C5orf46: variants seen among roughly 807,000 people sequenced by gnomAD.
C5orf46 encodes the protein chromosome 5 open reading frame 46.
C5orf46 carries 9 observed loss-of-function variants against 8.9 expected under a neutral mutation model. The ratio of observed to expected loss-of-function variants is 1.01; its 90% CI spans 0.61 to 1.76. C5orf46 has a LOEUF of 1.76. Ranked by LOEUF, C5orf46 falls within the 40% of genes most tolerant of loss-of-function variation. The pLI is 0.00. For missense variants in C5orf46, 98 were observed against 107.8 expected (o/e 0.91, Z 0.40); for synonymous variants, 47 against 41.4 (o/e 1.14, Z -0.52).
chr5:147,891,030 T>C (rs1369087007), downstream of C5orf46, among the ~76,000 whole-genome samples: 1 of 152,188 alleles, frequency 6.6e-6, no homozygotes, highest in African/African-American at 2.4e-5. Context: ...TGGGACAGAA[T>C]AGTGATGATG....
chr5:147,889,431 C>T (rs1465067834), downstream of C5orf46, among the ~76,000 whole-genome samples: 1 of 152,030 alleles, frequency 6.6e-6, no homozygotes, highest in East Asian at 1.9e-4. Flanking sequence ...ATACACATTT[C>T]CATATTCCCC....
chr5:147,902,109 T>A (rs1269818635), intron 1 of C5orf46, among the ~76,000 whole-genome samples: 1 of 152,164 alleles, frequency 6.6e-6, no homozygotes, highest in Non-Finnish European at 1.5e-5. Flanking sequence ...ACATACAGAA[T>A]GTCTGTTTTT....
intron 3 of C5orf46, among the ~76,000 whole-genome samples, chr5:147,896,032 T>C (rs1757574881): frequency 6.6e-6 from 1 of 152,190 alleles, no homozygotes; most frequent in South Asian, 2.1e-4. Flanking sequence ...GGAAAGGCCA[T>C]GCTTCCTGAA....
At chr5:147,893,334 A>G (rs2127125053) in intron 3 of C5orf46, among the ~76,000 whole-genome samples, 1 of 137,934 alleles carries the variant, frequency 7.2e-6, no homozygotes, top group East Asian at 2.2e-4. Context: ...CCCAGGCTGG[A>G]GTGCAGTGGC....
At chr5:147,894,189 T>G (rs1305000250) in intron 3 of C5orf46, among the ~76,000 whole-genome samples, 2 of 152,206 alleles carry the variant, frequency 1.3e-5, no homozygotes, top group South Asian at 4.1e-4. Context: ...CCTCTTTTGA[T>G]AATTTTAGTA....
chr5:147,901,545 C>T, intron 2 of C5orf46, 84 bp downstream of exon 2: 2 of 1,261,310 alleles, frequency 1.6e-6, no homozygotes, highest in Non-Finnish European at 2.2e-6. Context: ...TTTTGTTTCT[C>T]ATGTATTTTA....
chr5:147,898,414 T>C lies in C5orf46; in HGVS notation c.216-1373A>G, dbSNP rs564904699. On this transcript the variant is annotated intron_variant, in intron 2 of 3. Transcript: ENST00000318315. The stretch of plus-strand genomic sequence containing the variant: ...ATTCTGGGTGGATGATGATGTGACT[T>C]AATGAGATATGGAGGAAGGTTTTGA... 5.9e-5 allele frequency among the ~76,000 whole-genome samples: 9 copies of C among 152,194 alleles called. No individual in the cohort carries two copies. The South Asian group carries it at 1.9e-3, about 32-fold the overall frequency.
chr5:147,894,663 T>C (rs950798281), intron 3 of C5orf46, among the ~76,000 whole-genome samples: 1 of 151,588 alleles, frequency 6.6e-6, no homozygotes, highest in Non-Finnish European at 1.5e-5. Context: ...GCTGAGTCCA[T>C]AAACTTCTCA....
chr5:147,906,313 C>G (rs1757750254), intron 1 of C5orf46, 119 bp downstream of exon 1: 1 of 512,924 alleles, frequency 1.9e-6, no homozygotes. Context: ...CAGGCCAGTG[C>G]TCTTTCTGGA....
intron 1 of C5orf46, among the ~76,000 whole-genome samples, chr5:147,904,939 A>G (rs567249382): frequency 9.3e-4 from 140 of 150,830 alleles, no homozygotes; most frequent in African/African-American, 3.2e-3. Context: ...CCTTATATAA[A>G]TAAATAATAA....
chr5:147,904,262 G>A (rs191762143), intron 1 of C5orf46, among the ~76,000 whole-genome samples: 9 of 152,268 alleles, frequency 5.9e-5, no homozygotes, highest in African/African-American at 1.4e-4. Context: ...TGCCTTAATC[G>A]TCATTTAGCT....
intron 2 of C5orf46, among the ~76,000 whole-genome samples, chr5:147,900,629 C>T (rs941997934): frequency 6.6e-6 from 1 of 152,088 alleles, no homozygotes; most frequent in Admixed American, 6.6e-5. Context: ...TGTTGAAAAC[C>T]ATATCCATGG....
chr5:147,895,192 G>A (rs1366856159), intron 3 of C5orf46, among the ~76,000 whole-genome samples: 2 of 152,136 alleles, frequency 1.3e-5, no homozygotes, highest in African/African-American at 2.4e-5. Context: ...GGAGGCTGAG[G>A]TGGGCATCCA....
chr5:147,893,859 CAT>C (rs1757541690), intron 3 of C5orf46, among the ~76,000 whole-genome samples: 1 of 151,632 alleles, frequency 6.6e-6, no homozygotes, highest in Non-Finnish European at 1.5e-5. Flanking sequence ...CCAGCCATCA[CAT>C]AAATCTTATA....
chr5:147,904,122 T>G (rs956411185), intron 1 of C5orf46, among the ~76,000 whole-genome samples: 36 of 152,198 alleles, frequency 2.4e-4, no homozygotes, highest in African/African-American at 8.4e-4. Flanking sequence ...AGATATGACC[T>G]TCACATAAAG....
intron 2 of C5orf46, among the ~76,000 whole-genome samples, chr5:147,898,256 G>A (rs1474791937): frequency 6.6e-6 from 1 of 152,120 alleles, no homozygotes; most frequent in Non-Finnish European, 1.5e-5. Flanking sequence ...ACTAGTCAGT[G>A]GAGCTGAGGA....
Position 147,892,931 on chromosome 5 carries a change from G to C in C5orf46, c.*18C>G, listed in dbSNP as rs1426222278. On this transcript the variant is annotated 3_prime_UTR_variant, in exon 4 of 4. Transcript: ENST00000318315. ...CTCTTGGATTGTCCAGGAGCCACAT[G>C]GGTGTGTCCTTTGAAACACAAGCCA... is the stretch of plus-strand genomic sequence containing the variant. The C allele has an allele frequency of 1.3e-5, 2 of 152,176 alleles. No homozygotes were observed. Among genetic ancestry groups the C allele is most frequent in the African/African-American group, 4.8e-5 (2 of 41,442 alleles). The allele number at this position is 152,176 out of a possible 1,614,324, so 9.4% of individuals were successfully genotyped here.
chr5:147,893,309 A>C (rs1757530343), intron 3 of C5orf46, among the ~76,000 whole-genome samples: 1 of 146,488 alleles, frequency 6.8e-6, no homozygotes, highest in South Asian at 2.2e-4. Flanking sequence ...TTTGAGACAG[A>C]GTCCCTCTCT....
downstream of C5orf46, among the ~76,000 whole-genome samples, chr5:147,891,041 T>C (rs1227212741): frequency 6.6e-6 from 1 of 152,174 alleles, no homozygotes; most frequent in African/African-American, 2.4e-5. Context: ...AGTGATGATG[T>C]AGATTGTGTC....
Sources: gnomAD v4.1 joint callset for allele counts (sites outside exome capture counted in the v4.1 genomes callset) on GRCh38, gnomAD v4.1.1 for gene constraint, MANE v1.5 for transcripts, NCBI Gene and HGNC (gene_info 2026-07-23, HGNC 2026-07-21) for gene names.